PCDHA3: variants seen among roughly 807,000 people sequenced by gnomAD.
PCDHA3 encodes protocadherin alpha-3.
A neutral mutation model predicts 62.2 loss-of-function variants in PCDHA3; 41 were observed. The ratio of observed to expected loss-of-function variants is 0.66; its 90% CI spans 0.51 to 0.86. The LOEUF is 0.86. Among genes scored for constraint, PCDHA3 ranks in the 40% least tolerant of loss-of-function variants. PCDHA3 has a pLI of 0.00. For synonymous variants in PCDHA3, 640 were observed against 555.4 expected (o/e 1.15, Z -2.14); for missense variants, 1,304 against 1,241.2 (o/e 1.05, Z -0.76).
intron 1 of PCDHA3, among the ~76,000 whole-genome samples, chr5:140,902,680 C>T (rs943072063): frequency 3.9e-5 from 6 of 152,094 alleles, no homozygotes; most frequent in Admixed American, 6.5e-5. Context: ...GTACACCGTA[C>T]CTAATATGTG....
At chr5:140,870,919 C>A in intron 1 of PCDHA3, 1 of 1,613,952 alleles carries the variant, frequency 6.2e-7, no homozygotes. Context: ...CAACGCGTGG[C>A]TTTCATATGA....
chr5:140,905,882 A>G (rs1213836068), intron 1 of PCDHA3, among the ~76,000 whole-genome samples: 1 of 152,192 alleles, frequency 6.6e-6, no homozygotes, highest in Admixed American at 6.5e-5. Context: ...GCCCAACAAT[A>G]GGCCATCTGC....
In PCDHA3 at chr5:140,856,749, C is replaced by T. The variant is rs146132566; in HGVS notation, c.2394+53158C>T. The T allele has an allele frequency of 1.3e-4, 214 of 1,595,860 alleles. 19 individuals carry two copies. In the Middle Eastern group the frequency reaches 4.3e-3, roughly 32 times the overall value. On this transcript the variant is annotated intron_variant, in intron 1 of 3. Transcript: ENST00000522353. ...TCTCTGCTGATCCTGGTGTTAGATGCCAATGATAACGCCCCTATCTTTGAC... is the reference window on the plus strand; with the variant it reads ...TCTCTGCTGATCCTGGTGTTAGATGTCAATGATAACGCCCCTATCTTTGAC...
At chr5:140,919,674 G>C (rs1554199207) in intron 1 of PCDHA3, among the ~76,000 whole-genome samples, 1 of 151,886 alleles carries the variant, frequency 6.6e-6, no homozygotes, top group Non-Finnish European at 1.5e-5. Context: ...TTAGCTTATT[G>C]GTATCTGCTT....
chr5:140,980,058 A>C (rs1554241393), intron 2 of PCDHA3, among the ~76,000 whole-genome samples: 1 of 152,254 alleles, frequency 6.6e-6, no homozygotes, highest in Non-Finnish European at 1.5e-5. Context: ...ATTCAGAAGC[A>C]ATCAGTGAAG....
intron 1 of PCDHA3, chr5:140,865,380 G>C (rs1429077853): frequency 6.6e-6 from 1 of 152,142 alleles, no homozygotes; most frequent in Non-Finnish European, 1.5e-5. Context: ...TTATAGGTAG[G>C]GTAAAGTTAA....
Position 140,968,677 on chromosome 5 carries a change from G to A in PCDHA3, c.2395-10272G>A, listed in dbSNP as rs781795184. The A allele has an allele frequency of 5.0e-6, 8 of 1,614,156 alleles. No individual in the cohort carries two copies. In the South Asian group the frequency reaches 8.8e-5, roughly 18 times the overall value. ...ACCTGGACCTCTTTAAGGTAGAGCTGCACACAGGAGAAATTAGGACTACCA... is the reference window on the plus strand; with the variant it reads ...ACCTGGACCTCTTTAAGGTAGAGCTACACACAGGAGAAATTAGGACTACCA... On this transcript the variant is annotated intron_variant, in intron 1 of 3. Coordinates refer to ENST00000522353, the MANE Select transcript of PCDHA3 (RefSeq NM_018906.3).
chr5:140,984,492 T>C (rs2097106044), intron 3 of PCDHA3, among the ~76,000 whole-genome samples: 1 of 152,224 alleles, frequency 6.6e-6, no homozygotes, highest in Non-Finnish European at 1.5e-5. Context: ...TATCCAGAAC[T>C]GTGCCTGGCT....
chr5:140,823,931 C>T, intron 1 of PCDHA3: 1 of 1,613,968 alleles, frequency 6.2e-7, no homozygotes, highest in South Asian at 1.1e-5. Flanking sequence ...CTGTACACCG[C>T]GCTGCGGTGC....
chr5:140,884,150 A>G (rs782776110), intron 1 of PCDHA3: 14 of 1,613,346 alleles, frequency 8.7e-6, no homozygotes, highest in Non-Finnish European at 1.1e-5. Context: ...GGGGCTGTAC[A>G]CTGGCGAGAT....
At chr5:140,877,274 C>G (rs781933102) in intron 1 of PCDHA3, 1 of 1,613,856 alleles carries the variant, frequency 6.2e-7, no homozygotes, top group South Asian at 1.1e-5. Context: ...GACGCTGACT[C>G]CGGCTATAAC....
At chr5:141,006,950 T>G (rs1169196116) in intron 3 of PCDHA3, among the ~76,000 whole-genome samples, 1 of 152,148 alleles carries the variant, frequency 6.6e-6, no homozygotes, top group African/African-American at 2.4e-5. Flanking sequence ...AGATAGGCAG[T>G]TATACATGAG....
chr5:140,939,269 A>G (rs1167199684), intron 1 of PCDHA3, among the ~76,000 whole-genome samples: 1 of 152,070 alleles, frequency 6.6e-6, no homozygotes, highest in Non-Finnish European at 1.5e-5. Flanking sequence ...CTTTTATGAG[A>G]GCTGTGCCCT....
chr5:140,836,890 G>A (rs1554136343), intron 1 of PCDHA3: 1 of 634,180 alleles, frequency 1.6e-6, no homozygotes, highest in East Asian at 2.9e-5. Flanking sequence ...TAATTATTTG[G>A]AAGTACGTTT....
At chr5:140,990,537 A>G (rs2097398813) in intron 3 of PCDHA3, among the ~76,000 whole-genome samples, 1 of 152,192 alleles carries the variant, frequency 6.6e-6, no homozygotes, top group Non-Finnish European at 1.5e-5. Flanking sequence ...TGTGCATCAT[A>G]GATACTGTAT....
At chr5:140,913,997 A>G (rs2076553878) in intron 1 of PCDHA3, among the ~76,000 whole-genome samples, 1 of 152,170 alleles carries the variant, frequency 6.6e-6, no homozygotes, top group Admixed American at 6.5e-5. Flanking sequence ...TGACTAGCAT[A>G]TGGTCTATCT....
At position 140,850,219 on chromosome 5, in the gene PCDHA3, G is replaced by A. The variant is rs201367294; in HGVS notation, c.2394+46628G>A. On this transcript the variant is annotated intron_variant, in intron 1 of 3. Coordinates refer to ENST00000522353, the MANE Select transcript of PCDHA3 (RefSeq NM_018906.3). ...ACACCTCGGATGAGGGGCACTGACG[G>A]CGCAGTGAGCGAGATGGTGCTGCGG... 1.1e-5 allele frequency: 17 copies of A among 1,593,552 alleles called. 1 individual carries two copies. The highest frequency in any genetic ancestry group is 1.3e-5 in the African/African-American group (1 of 74,312).
intron 1 of PCDHA3, among the ~76,000 whole-genome samples, chr5:140,960,819 G>A (rs1287793882): frequency 1.3e-5 from 2 of 152,146 alleles, no homozygotes; most frequent in Admixed American, 6.5e-5. Context: ...CCCAAGTGAT[G>A]AATGGAAACT....
rs781915766 is a variant in PCDHA3, at chr5:140,869,999, G to C, written c.2394+66408G>C. Reference sequence around the variant, plus strand: ...TTATTTACACTAGATCAAAATAATGGAGAAGTGAGGGTCAATGGAACTTTA... The same window carrying C: ...TTATTTACACTAGATCAAAATAATGCAGAAGTGAGGGTCAATGGAACTTTA... On this transcript the variant is annotated intron_variant, in intron 1 of 3. Coordinates refer to ENST00000522353, the MANE Select transcript of PCDHA3 (RefSeq NM_018906.3). The C allele has an allele frequency of 3.7e-6, 6 of 1,613,396 alleles. No individual in the cohort carries two copies. In the South Asian group the frequency reaches 6.6e-5, roughly 18 times the overall value.
Sources: gnomAD v4.1 joint callset for allele counts (sites outside exome capture counted in the v4.1 genomes callset) on GRCh38, gnomAD v4.1.1 for gene constraint, MANE v1.5 for transcripts, NCBI Gene and HGNC (gene_info 2026-07-23, HGNC 2026-07-21) for gene names.